NTNG1: variants seen among roughly 807,000 people sequenced by gnomAD.
The protein encoded by NTNG1 is netrin G1, also known as netrin-G1.
In NTNG1, 16 loss-of-function variants were observed where a neutral mutation model predicts 54.0. The observed-to-expected ratio is 0.30, with a 90% CI of 0.20 to 0.45. NTNG1 has a LOEUF of 0.45. NTNG1 is among the 20% of genes least tolerant of loss of function. The probability of loss-of-function intolerance (pLI) is 1.00; values close to 1 mark genes in which losing one functional copy is unlikely to be tolerated. For synonymous variants in NTNG1, 255 were observed against 263.1 expected (o/e 0.97, Z 0.30); for missense variants, 530 against 678.7 (o/e 0.78, Z 2.43).
At chr1:107,172,325 A>T (rs1656309822) in intron 2 of NTNG1, among the ~76,000 whole-genome samples, 2 of 152,172 alleles carry the variant, frequency 1.3e-5, no homozygotes, top group African/African-American at 4.8e-5. Context: ...AATTATTAAC[A>T]GCTAACCTCT....
At chr1:107,413,324 G>A (rs1448714172) in intron 5 of NTNG1, among the ~76,000 whole-genome samples, 1 of 151,688 alleles carries the variant, frequency 6.6e-6, no homozygotes, top group African/African-American at 2.4e-5. Context: ...CACCACACAC[G>A]GCTAATTTTG....
chr1:107,256,001 T>C (rs1019815909), intron 2 of NTNG1, among the ~76,000 whole-genome samples: 1 of 152,242 alleles, frequency 6.6e-6, no homozygotes, highest in African/African-American at 2.4e-5. Flanking sequence ...ATTGTCTTAA[T>C]TGTAAAAGCA....
At chr1:107,398,171 AG>A (rs1191298048) in intron 4 of NTNG1, among the ~76,000 whole-genome samples, 1 of 152,192 alleles carries the variant, frequency 6.6e-6, no homozygotes, top group African/African-American at 2.4e-5. Flanking sequence ...TCAAGTAGCC[AG>A]GATATTTTTC....
At chr1:107,342,857 A>C (rs188760610) in intron 3 of NTNG1, among the ~76,000 whole-genome samples, 10 of 152,094 alleles carry the variant, frequency 6.6e-5, no homozygotes, top group African/African-American at 2.2e-4. Flanking sequence ...ACGACCAATA[A>C]ATAATCAAAC....
At chr1:107,395,024 CTA>C in intron 3 of NTNG1, 128 bp from the exon 4 acceptor site, 1 of 733,816 alleles carries the variant, frequency 1.4e-6, no homozygotes, top group South Asian at 1.8e-5. Context: ...GCCTGCAAAT[CTA>C]TCTCTTACTA....
At chr1:107,428,338 G>A (rs370069916) in intron 5 of NTNG1, among the ~76,000 whole-genome samples, 1 of 151,932 alleles carries the variant, frequency 6.6e-6, no homozygotes, top group East Asian at 1.9e-4. Context: ...ATTGCTTTAT[G>A]TCACTGTTTT....
At chr1:107,209,617 A>G (rs1380115189) in intron 2 of NTNG1, among the ~76,000 whole-genome samples, 2 of 152,176 alleles carry the variant, frequency 1.3e-5, no homozygotes, top group East Asian at 1.9e-4. Context: ...TCCCACATTA[A>G]TAGGTCCAGG....
intron 2 of NTNG1, among the ~76,000 whole-genome samples, chr1:107,182,364 T>C (rs749483964): frequency 2.0e-5 from 3 of 152,130 alleles, no homozygotes; most frequent in African/African-American, 4.8e-5. Context: ...CCCTTGATGG[T>C]CAAAGCCAAG....
chr1:107,433,538 G>A (rs1043083994), intron 6 of NTNG1, among the ~76,000 whole-genome samples: 16 of 152,178 alleles, frequency 1.1e-4, no homozygotes, highest in African/African-American at 3.9e-4. Flanking sequence ...TACAGAGCGA[G>A]ACTCCATCTC....
At chr1:107,202,741 A>C (rs115856634) in intron 2 of NTNG1, among the ~76,000 whole-genome samples, 2 of 152,000 alleles carry the variant, frequency 1.3e-5, no homozygotes, top group African/African-American at 4.8e-5. Context: ...TCTTGTAACT[A>C]TCACCACAAT....
chr1:107,289,222 G>A (rs1665414252), intron 2 of NTNG1, among the ~76,000 whole-genome samples: 1 of 152,054 alleles, frequency 6.6e-6, no homozygotes, highest in South Asian at 2.1e-4. Flanking sequence ...CCACTCACCT[G>A]CTATGCTGGA....
intron 2 of NTNG1, among the ~76,000 whole-genome samples, chr1:107,156,375 G>T (rs1654999565): frequency 6.6e-6 from 1 of 152,000 alleles, no homozygotes; most frequent in African/African-American, 2.4e-5. Flanking sequence ...AGGAGGTTTG[G>T]TATGTGAGGA....
intron 2 of NTNG1, among the ~76,000 whole-genome samples, chr1:107,235,488 G>GA (rs1661344134): frequency 6.6e-6 from 1 of 152,162 alleles, no homozygotes; most frequent in African/African-American, 2.4e-5. Flanking sequence ...TTATGGATGT[G>GA]AAAAATGCCA....
intron 2 of NTNG1, among the ~76,000 whole-genome samples, chr1:107,310,888 A>G (rs1050368356): frequency 2.0e-5 from 3 of 152,038 alleles, no homozygotes; most frequent in African/African-American, 7.2e-5. Context: ...TAAATCCAAG[A>G]CTAGCAATAC....
At position 107,407,719 on chromosome 1, in the gene NTNG1, A is replaced by T. The variant is rs1673524013; in HGVS notation, c.1087+11A>T. Reference sequence around the variant, plus strand: ...TTTCCAGTATTGGTAGTAAGTAAAAACAAAAACAAAAAAAACACCAAACCA... The same window carrying T: ...TTTCCAGTATTGGTAGTAAGTAAAATCAAAAACAAAAAAAACACCAAACCA... On this transcript the variant is annotated intron_variant, in intron 5 of 7. Transcript: ENST00000370068. The T allele has an allele frequency of 1.9e-6, 3 of 1,606,510 alleles. No individual in the cohort carries two copies. Among genetic ancestry groups the T allele is most frequent in the South Asian group, 1.1e-5 (1 of 90,482 alleles).
At chr1:107,331,183 CT>C (rs1398780181) in intron 3 of NTNG1, among the ~76,000 whole-genome samples, 1 of 151,966 alleles carries the variant, frequency 6.6e-6, no homozygotes, top group Non-Finnish European at 1.5e-5. Context: ...AAACCTTAGG[CT>C]TTTTCCAAGC....
At chr1:107,386,085 T>G (rs1053617655) in intron 3 of NTNG1, among the ~76,000 whole-genome samples, 1 of 147,308 alleles carries the variant, frequency 6.8e-6, no homozygotes. Context: ...ATATATATAC[T>G]TATATGTATG....
intron 4 of NTNG1, 37 bp from the exon 5 acceptor site, chr1:107,407,645 G>C (rs1411086329): frequency 6.5e-7 from 1 of 1,538,096 alleles, no homozygotes; most frequent in Admixed American, 1.8e-5. Context: ...CTAATAAATA[G>C]CTAACAGCTT....
chr1:107,238,796 T>A (rs1216315362), intron 2 of NTNG1, among the ~76,000 whole-genome samples: 1 of 150,424 alleles, frequency 6.6e-6, no homozygotes, highest in Middle Eastern at 3.4e-3. Flanking sequence ...ATTAAACACT[T>A]TTTTTTTTTT....
Sources: gnomAD v4.1 joint callset for allele counts (sites outside exome capture counted in the v4.1 genomes callset) on GRCh38, gnomAD v4.1.1 for gene constraint, MANE v1.5 for transcripts, NCBI Gene and HGNC (gene_info 2026-07-23, HGNC 2026-07-21) for gene names.